VAV2: variants seen among roughly 807,000 people sequenced by gnomAD.
The protein encoded by VAV2 is guanine nucleotide exchange factor VAV2.
A neutral mutation model predicts 132.5 loss-of-function variants in VAV2; 67 were observed. The ratio of observed to expected loss-of-function variants is 0.51; its 90% CI spans 0.42 to 0.62. VAV2 has a LOEUF of 0.62. Ranked by LOEUF, VAV2 falls within the 20% of genes least tolerant of loss-of-function variation. VAV2 has a pLI of 0.00. For missense variants in VAV2, 938 were observed against 1,153.6 expected (o/e 0.81, Z 2.71); for synonymous variants, 492 against 443.5 (o/e 1.11, Z -1.37).
At chr9:133,913,646 G>T (rs921995571) in intron 2 of VAV2, among the ~76,000 whole-genome samples, 18 of 152,214 alleles carry the variant, frequency 1.2e-4, no homozygotes, top group African/African-American at 4.3e-4. Context: ...CACGGAACCT[G>T]CCAGTTTTCT....
chr9:133,768,484 G>C lies in VAV2; in HGVS notation c.2547C>G (p.Ile849Met), dbSNP rs9722384. ...CCTTCCACCAGCCCTGGTCTCCGCC[G>C]ATGCGGCTGTAGATCCTCACCACGT... ...EGDVVRIYSR[I>M]GGDQGWWKGE... is the part of the protein sequence containing the mutation. The change falls in exon 29 of 30, where the codon ATC (isoleucine) becomes ATG (methionine). Residue 849 changes from isoleucine to methionine, a missense_variant. By Grantham distance (10) the Ile-to-Met change is conservative. Transcript: ENST00000371850. The surrounding 1 kb of genome is among the most constrained non-coding windows in gnomAD (Gnocchi z 5.3). 6.2e-7 allele frequency: 1 copy of C among 1,613,762 alleles called. No homozygotes were observed. Among genetic ancestry groups the C allele is most frequent in the Non-Finnish European group, 8.5e-7 (1 of 1,179,986 alleles).
intron 1 of VAV2, among the ~76,000 whole-genome samples, chr9:133,976,286 T>C (rs563303535): frequency 3.6e-4 from 55 of 152,092 alleles, no homozygotes; most frequent in Non-Finnish European, 4.9e-4. Context: ...TAGGTTAGGA[T>C]GGGGTCCCTC....
intron 25 of VAV2, among the ~76,000 whole-genome samples, chr9:133,772,342 C>T (rs1833659309): frequency 1.3e-5 from 2 of 152,200 alleles, no homozygotes; most frequent in South Asian, 4.1e-4. Context: ...GGCTTCTGCT[C>T]ATTTGCTTTT....
chr9:133,878,651 C>T lies in VAV2; in HGVS notation c.322-17219G>A, dbSNP rs1838363454. ...CAGAGCTTAACCTTTGAGAGGCCAT[C>T]CCTGCTGACCCCACCTGCCGCCCGT... On this transcript the variant is annotated intron_variant, in intron 2 of 29. Transcript: ENST00000371850. 1.3e-5 allele frequency among the ~76,000 whole-genome samples: 2 copies of T among 152,224 alleles called. 1 individual carries two copies. The highest frequency in any genetic ancestry group is 1.3e-4 in the Admixed American group (2 of 15,286).
chr9:133,948,640 G>A (rs139994350), intron 1 of VAV2, among the ~76,000 whole-genome samples: 10 of 152,142 alleles, frequency 6.6e-5, no homozygotes, highest in South Asian at 4.1e-4. Flanking sequence ...AGCGTGTCTC[G>A]TTTCACTATT....
At chr9:133,944,717 T>A (rs1564488119) in intron 1 of VAV2, among the ~76,000 whole-genome samples, 1 of 152,214 alleles carries the variant, frequency 6.6e-6, no homozygotes, top group Non-Finnish European at 1.5e-5. Flanking sequence ...GAAAGTCCTG[T>A]CTCGCCAAGG....
At chr9:133,903,768 GA>G (rs1839535571) in intron 2 of VAV2, among the ~76,000 whole-genome samples, 1 of 152,154 alleles carries the variant, frequency 6.6e-6, no homozygotes, top group Non-Finnish European at 1.5e-5. Flanking sequence ...GCTGGCGAGG[GA>G]AAAGGGGTCC....
chr9:133,950,005 G>A (rs1054485262), intron 1 of VAV2, among the ~76,000 whole-genome samples: 3 of 152,218 alleles, frequency 2.0e-5, no homozygotes, highest in African/African-American at 4.8e-5. Context: ...ACCAGCAGCC[G>A]TGAAGTCCAG....
intron 2 of VAV2, among the ~76,000 whole-genome samples, chr9:133,894,108 G>A (rs1193559451): frequency 1.3e-5 from 2 of 152,236 alleles, no homozygotes; most frequent in African/African-American, 2.4e-5. Flanking sequence ...CAGGGAAGCT[G>A]CACGGGTGAG....
chr9:133,797,728 G>C lies in VAV2; in HGVS notation c.918C>G (p.Asp306Glu), dbSNP rs1834774244. Reference sequence around the variant, plus strand: ...GACTTACCTCGACTTTCTGCCTGAAGTCCTCCCGGCTGGCCAGGAGCTGGT... The same window carrying C: ...GACTTACCTCGACTTTCTGCCTGAACTCCTCCCGGCTGGCCAGGAGCTGGT... ...TLNQLLASRE[D>E]FRQKVEECTL... The change falls in exon 10 of 30, where the codon GAC becomes GAG. Residue 306 changes from aspartate to glutamate, a missense_variant. Transcript: ENST00000371850. 1 of 1,614,050 alleles carries C rather than the reference G, an allele frequency of 6.2e-7. No individual in the cohort carries two copies. The highest frequency in any genetic ancestry group is 8.5e-7 in the Non-Finnish European group (1 of 1,179,960).
At chr9:133,890,403 G>A (rs1838885610) in intron 2 of VAV2, among the ~76,000 whole-genome samples, 1 of 152,178 alleles carries the variant, frequency 6.6e-6, no homozygotes. Flanking sequence ...TCCCAGCCCC[G>A]GACTACATTT....
At chr9:133,955,402 TCCCCACACTCCTCCCCACC>T (rs1213053677) in intron 1 of VAV2, among the ~76,000 whole-genome samples, 1 of 36,696 alleles carries the variant, frequency 2.7e-5, no homozygotes, top group Admixed American at 3.3e-4. Context: ...TCCTCCCCAC[TCCCCACACTCCTCCCCACC>T]CCCCTGCTTC....
intron 9 of VAV2, among the ~76,000 whole-genome samples, chr9:133,798,178 C>T (rs1834797155): frequency 6.6e-6 from 1 of 151,178 alleles, no homozygotes; most frequent in Admixed American, 6.6e-5. Flanking sequence ...GGAAAGAAGA[C>T]CCCAGGAGGG....
Position 133,814,048 on chromosome 9 carries a change from G to A in VAV2, c.450-1832C>T, listed in dbSNP as rs185721983. Among the ~76,000 whole-genome samples, 164 of 152,250 alleles carry A rather than the reference G, an allele frequency of 1.1e-3. 1 individual carries two copies. The highest frequency in any genetic ancestry group is 6.8e-3 in the Middle Eastern group (2 of 294). ...ACCATGAGAGGTCCATCTGGGTGTC[G>A]CTCAGCCGTGCGGGAGAACTGAAGC... On this transcript the variant is annotated intron_variant, in intron 4 of 29. Coordinates refer to ENST00000371850, the MANE Select transcript of VAV2 (RefSeq NM_001134398.2).
chr9:133,854,236 C>A (rs1837301500), intron 3 of VAV2, among the ~76,000 whole-genome samples: 1 of 151,366 alleles, frequency 6.6e-6, no homozygotes, highest in Admixed American at 6.6e-5. Context: ...TGCACCTGCA[C>A]ACATACATGC....
intron 20 of VAV2, 102 bp downstream of exon 20, chr9:133,780,592 C>T: frequency 7.9e-7 from 1 of 1,260,406 alleles, no homozygotes. Context: ...CGGTGTGGCC[C>T]CATGAGTGGT....
In VAV2 at chr9:133,774,359, G is replaced by C. The variant is rs1833737011; in HGVS notation, c.2135+576C>G. 2.0e-5 allele frequency among the ~76,000 whole-genome samples: 3 copies of C among 152,202 alleles called. No homozygotes were observed. The South Asian group carries it at 6.2e-4, about 32-fold the overall frequency. On this transcript the variant is annotated intron_variant, in intron 25 of 29. Transcript: ENST00000371850. ...GAAGGCTTTCTGAGAATTTCTTTCA[G>C]GTGGGCAATGTCCCACCAGCTCAGT...
At chr9:133,808,941 C>G (rs1426440253) in intron 7 of VAV2, 99 bp downstream of exon 7, 2 of 1,149,238 alleles carry the variant, frequency 1.7e-6, no homozygotes, top group African/African-American at 3.1e-5. Flanking sequence ...CAGAGAGGCC[C>G]TATGGCCCTG....
rs1252845249 is a variant in VAV2, at chr9:133,802,400, GCCTCCCCCT to G, written c.836+3672_836+3680del. Among the ~76,000 whole-genome samples, 1 of 150,444 alleles carries G rather than the reference GCCTCCCCCT, an allele frequency of 6.6e-6. No individual in the cohort carries two copies. The highest frequency in any genetic ancestry group is 2.4e-5 in the African/African-American group (1 of 40,876). On this transcript the variant is annotated intron_variant, in intron 9 of 29. Transcript: ENST00000371850. This position sits in a 1 kb window ranked among gnomAD's most constrained non-coding sequence, Gnocchi z 5.8. ...CTGGTTGGAGCACCTCCCAGGGGCA[GCCTCCCCCT>G]CCCCCGCCCCACTCCGGCTGACTCC...
Sources: gnomAD v4.1 joint callset for allele counts (sites outside exome capture counted in the v4.1 genomes callset) on GRCh38, gnomAD v4.1.1 for gene constraint, Gnocchi (gnomAD v3.1) non-coding constraint, MANE v1.5 for transcripts, NCBI Gene and HGNC (gene_info 2026-07-23, HGNC 2026-07-21) for gene names.